OVCH1: variants seen among roughly 807,000 people sequenced by gnomAD.
The protein encoded by OVCH1 is ovochymase 1.
In OVCH1, 139 loss-of-function variants were observed where a neutral mutation model predicts 138.4. The observed-to-expected ratio is 1.00, with a 90% CI of 0.87 to 1.16. OVCH1 has a LOEUF of 1.16. Among genes scored for constraint, OVCH1 ranks in the 50% most tolerant of loss-of-function variants. OVCH1 has a pLI of 0.00. For missense variants in OVCH1, 1,367 were observed against 1,357.9 expected (o/e 1.01, Z -0.11); for synonymous variants, 453 against 467.8 (o/e 0.97, Z 0.41).
At chr12:29,472,557 C>A (rs944079114) in intron 15 of OVCH1, among the ~76,000 whole-genome samples, 3 of 152,182 alleles carry the variant, frequency 2.0e-5, no homozygotes, top group Non-Finnish European at 4.4e-5. Flanking sequence ...CAGATATTTT[C>A]TTCTCTAATA....
intron 4 of OVCH1, among the ~76,000 whole-genome samples, chr12:29,492,327 A>AT (rs1410815176): frequency 8.5e-5 from 8 of 93,792 alleles, no homozygotes; most frequent in Non-Finnish European, 1.8e-4. Flanking sequence ...AGTTAGTTTC[A>AT]TAAAAAAAAA....
At chr12:29,447,089 AT>A (rs1941638025) in intron 22 of OVCH1, among the ~76,000 whole-genome samples, 1 of 152,146 alleles carries the variant, frequency 6.6e-6, no homozygotes, top group Non-Finnish European at 1.5e-5. Flanking sequence ...AAAGGAAAAT[AT>A]CTTTGTATAT....
chr12:29,479,198 A>G (rs1471349862), intron 8 of OVCH1, among the ~76,000 whole-genome samples: 1 of 152,200 alleles, frequency 6.6e-6, no homozygotes, highest in Non-Finnish European at 1.5e-5. Flanking sequence ...CACCCCTTAA[A>G]TTTCATTTAG....
chr12:29,473,366 T>C (rs898842798), intron 14 of OVCH1, among the ~76,000 whole-genome samples: 5 of 152,200 alleles, frequency 3.3e-5, no homozygotes, highest in Admixed American at 2.0e-4. Context: ...TGATGGCTGT[T>C]TTCAATATCA....
At chr12:29,432,242 A>G (rs1034490582) in intron 27 of OVCH1, among the ~76,000 whole-genome samples, 2 of 152,200 alleles carry the variant, frequency 1.3e-5, no homozygotes, top group Non-Finnish European at 2.9e-5. Context: ...TATAAACATG[A>G]TCTCAATTAC....
intron 21 of OVCH1, 52 bp downstream of exon 21, chr12:29,454,789 C>G (rs981601761): frequency 6.7e-7 from 1 of 1,486,976 alleles, no homozygotes; most frequent in Non-Finnish European, 9.3e-7. Flanking sequence ...GACAATGCTT[C>G]TTGCCAAATT....
chr12:29,405,743 C>A, the OVCH1 span, among the ~76,000 whole-genome samples: 1 of 152,216 alleles, frequency 6.6e-6, no homozygotes, highest in African/African-American at 2.4e-5. Flanking sequence ...AGAACCAAAT[C>A]AGTTTTTGAT....
At chr12:29,463,836 A>T (rs1942222703) in intron 18 of OVCH1, among the ~76,000 whole-genome samples, 1 of 152,234 alleles carries the variant, frequency 6.6e-6, no homozygotes, top group Non-Finnish European at 1.5e-5. Context: ...TCAAGCTCAC[A>T]GATTCCAAAT....
chr12:29,490,961 C>T (rs947167499), intron 5 of OVCH1, 136 bp downstream of exon 5: 3 of 704,966 alleles, frequency 4.3e-6, no homozygotes, highest in Non-Finnish European at 4.7e-6. Context: ...CTGAGGACTA[C>T]CAGAAATCTT....
At chr12:29,451,602 A>G in intron 21 of OVCH1, 33 bp from the exon 22 acceptor site, 1 of 1,524,750 alleles carries the variant, frequency 6.6e-7, no homozygotes, top group Non-Finnish European at 8.9e-7. Context: ...ACCAGGGACC[A>G]ACATAAATAA....
rs1943421501 is a variant in OVCH1 at position 29,496,499 on chromosome 12, C to CA, written c.183+56dup. 7 of 1,453,628 alleles carry CA rather than the reference C, an allele frequency of 4.8e-6. No homozygotes were observed. In the Admixed American group the frequency reaches 1.3e-4, roughly 27 times the overall value. 90.0% of individuals were successfully genotyped at this position (1,453,628 alleles called of 1,614,324 possible). A position where few individuals can be genotyped will look rare whatever the true frequency, so the allele number is the denominator to read the frequency against. ...TCAACGTGCATTCTTGCTTTCGAAA[C>CA]AAAGGAAATATTTCACTGTTTTCTC... is the stretch of plus-strand genomic sequence containing the variant. On this transcript the variant is annotated intron_variant, in intron 2 of 27. Coordinates refer to ENST00000318184, the Ensembl canonical transcript of OVCH1.
At chr12:29,447,226 T>C (rs1304936906) in intron 22 of OVCH1, among the ~76,000 whole-genome samples, 1 of 152,012 alleles carries the variant, frequency 6.6e-6, no homozygotes, top group Non-Finnish European at 1.5e-5. Context: ...GAGGCTGAAC[T>C]AGGAGGATCT....
chr12:29,443,894 A>G (rs1307420089), intron 24 of OVCH1, among the ~76,000 whole-genome samples: 1 of 152,104 alleles, frequency 6.6e-6, no homozygotes, highest in Admixed American at 6.6e-5. Flanking sequence ...CATTCTTTGT[A>G]AAGATTTGAC....
intron 3 of OVCH1, among the ~76,000 whole-genome samples, chr12:29,420,196 G>C (rs945178022): frequency 8.5e-5 from 13 of 152,134 alleles, no homozygotes; most frequent in Non-Finnish European, 1.8e-4. Context: ...ATATCACATG[G>C]AAACAAGATT....
chr12:29,434,403 T>A (rs1188139350), intron 26 of OVCH1, among the ~76,000 whole-genome samples: 1 of 152,168 alleles, frequency 6.6e-6, no homozygotes, highest in Non-Finnish European at 1.5e-5. Flanking sequence ...AGTCAGAATT[T>A]TAAATATTAT....
intron 27 of OVCH1, among the ~76,000 whole-genome samples, chr12:29,432,710 T>G (rs1941291082): frequency 6.6e-6 from 1 of 151,206 alleles, no homozygotes. Context: ...AAGGAAGGAG[T>G]ATAGGTAAAG....
chr12:29,490,508 G>GTATAATGT (rs1374987710), intron 5 of OVCH1, among the ~76,000 whole-genome samples: 1 of 152,158 alleles, frequency 6.6e-6, no homozygotes, highest in Non-Finnish European at 1.5e-5. Context: ...ATTGCAAAAT[G>GTATAATGT]ATTACCATAA....
chr12:29,419,522 C>G (rs571335600), intron 3 of OVCH1, among the ~76,000 whole-genome samples: 33 of 151,930 alleles, frequency 2.2e-4, no homozygotes, highest in African/African-American at 7.5e-4. Context: ...TCTCGATCTC[C>G]TGACCTCATG....
At chr12:29,437,145 T>TGA (rs1175132526) in intron 26 of OVCH1, among the ~76,000 whole-genome samples, 3 of 152,190 alleles carry the variant, frequency 2.0e-5, no homozygotes, top group Admixed American at 6.5e-5. Flanking sequence ...CACAGTGTGC[T>TGA]GATTGGTGCA....
Sources: allele counts gnomAD v4.1 joint callset (sites outside exome capture counted in the v4.1 genomes callset), GRCh38; gene constraint gnomAD v4.1.1; transcripts MANE v1.5; gene names NCBI Gene and HGNC (gene_info 2026-07-23, HGNC 2026-07-21).